Variants in FSTL5 observed in about 807,000 individuals in gnomAD.
FSTL5 encodes follistatin like 5, also known as follistatin-related protein 5.
Under a neutral mutation model 89.1 loss-of-function variants are expected in FSTL5, and 62 were observed. The observed-to-expected ratio is 0.70, with a 90% CI of 0.57 to 0.86. FSTL5 has a LOEUF of 0.86. Among genes scored for constraint, FSTL5 ranks in the 40% least tolerant of loss-of-function variants. The probability of loss-of-function intolerance (pLI) is 0.00; values close to 1 mark genes in which losing one functional copy is unlikely to be tolerated. For synonymous variants in FSTL5, 383 were observed against 346.2 expected (o/e 1.11, Z -1.18); for missense variants, 1,057 against 1,001.6 (o/e 1.06, Z -0.75).
intron 2 of FSTL5, among the ~76,000 whole-genome samples, chr4:162,077,854 T>C (rs1729931217): frequency 6.6e-6 from 1 of 151,810 alleles, no homozygotes; most frequent in African/African-American, 2.4e-5. Context: ...AGTTTCTTAA[T>C]ATATTGCAAT....
intron 2 of FSTL5, among the ~76,000 whole-genome samples, chr4:162,104,863 C>A (rs747330827): frequency 3.3e-5 from 5 of 152,050 alleles, no homozygotes; most frequent in African/African-American, 4.8e-5. Context: ...TGTTTCCCTG[C>A]CTGACTAGAG....
At chr4:161,617,513 G>A (rs879311633) in intron 7 of FSTL5, among the ~76,000 whole-genome samples, 1 of 152,106 alleles carries the variant, frequency 6.6e-6, no homozygotes, top group Non-Finnish European at 1.5e-5. Flanking sequence ...ACAGACCTAA[G>A]AAGCTGAAGA....
intron 12 of FSTL5, among the ~76,000 whole-genome samples, chr4:161,497,056 C>G (rs1045084667): frequency 6.6e-6 from 1 of 151,966 alleles, no homozygotes; most frequent in Non-Finnish European, 1.5e-5. Context: ...TCTGAATTGC[C>G]ATCTATCTTG....
intron 2 of FSTL5, among the ~76,000 whole-genome samples, chr4:162,077,818 AAATT>A (rs940690197): frequency 2.0e-5 from 3 of 151,820 alleles, no homozygotes; most frequent in African/African-American, 4.8e-5. Context: ...ACAGTGTCCT[AAATT>A]AATTAATACT....
intron 7 of FSTL5, among the ~76,000 whole-genome samples, chr4:161,639,599 C>A (rs1304463677): frequency 1.3e-5 from 2 of 152,158 alleles, no homozygotes; most frequent in African/African-American, 4.8e-5. Flanking sequence ...ATTGCACTGG[C>A]AGCCTCTGTC....
intron 8 of FSTL5, among the ~76,000 whole-genome samples, chr4:161,584,147 C>A (rs1311382841): frequency 6.6e-6 from 1 of 152,166 alleles, no homozygotes; most frequent in Non-Finnish European, 1.5e-5. Context: ...TTCAATTGCC[C>A]TCCTGCATTG....
chr4:162,083,797 C>T (rs574695280), intron 2 of FSTL5, among the ~76,000 whole-genome samples: 12 of 151,812 alleles, frequency 7.9e-5, no homozygotes, highest in South Asian at 6.2e-4. Context: ...TGAAACATTA[C>T]TGAAAACATA....
At chr4:161,437,874 T>TA (rs1182235446) in intron 15 of FSTL5, among the ~76,000 whole-genome samples, 2 of 152,102 alleles carry the variant, frequency 1.3e-5, no homozygotes, top group East Asian at 3.9e-4. Context: ...AGGATTTCCT[T>TA]AAAAGGGGTG....
At chr4:161,626,578 G>A (rs1471692112) in intron 7 of FSTL5, among the ~76,000 whole-genome samples, 4 of 152,146 alleles carry the variant, frequency 2.6e-5, no homozygotes, top group African/African-American at 9.7e-5. Flanking sequence ...TATGAATCTT[G>A]CTTTTATGAT....
At chr4:161,403,808 G>A (rs772821524) in intron 15 of FSTL5, among the ~76,000 whole-genome samples, 2 of 152,144 alleles carry the variant, frequency 1.3e-5, no homozygotes, top group Non-Finnish European at 2.9e-5. Flanking sequence ...GAACGTCAAA[G>A]GTCTATCTGG....
At chr4:162,032,342 T>G (rs1473275487) in intron 3 of FSTL5, among the ~76,000 whole-genome samples, 1 of 152,156 alleles carries the variant, frequency 6.6e-6, no homozygotes, top group Non-Finnish European at 1.5e-5. Flanking sequence ...CATCTTGAAG[T>G]AAAAATTCCC....
intron 4 of FSTL5, among the ~76,000 whole-genome samples, chr4:161,868,365 G>C (rs140088001): frequency 6.6e-6 from 1 of 151,886 alleles, no homozygotes; most frequent in Admixed American, 6.6e-5. Context: ...CCCTTTTACC[G>C]TTTCAAATCA....
At chr4:161,409,373 TA>T (rs1731507743) in intron 15 of FSTL5, among the ~76,000 whole-genome samples, 1 of 152,030 alleles carries the variant, frequency 6.6e-6, no homozygotes, top group Admixed American at 6.6e-5. Flanking sequence ...AGGGAATTAT[TA>T]TTTTATTATT....
intron 4 of FSTL5, among the ~76,000 whole-genome samples, chr4:161,786,469 T>G (rs983399360): frequency 6.6e-6 from 1 of 152,118 alleles, no homozygotes; most frequent in African/African-American, 2.4e-5. Context: ...TTAAGCACAG[T>G]CAACCTTTGA....
chr4:161,698,743 C>T (rs898408861), intron 6 of FSTL5, among the ~76,000 whole-genome samples: 1 of 152,054 alleles, frequency 6.6e-6, no homozygotes, highest in Non-Finnish European at 1.5e-5. Context: ...GCGTGGCCAA[C>T]GTGGTGAAAC....
chr4:161,498,176 T>C (rs1730156732), intron 12 of FSTL5, among the ~76,000 whole-genome samples: 1 of 152,040 alleles, frequency 6.6e-6, no homozygotes. Flanking sequence ...GAAATAAATA[T>C]ACACAATTCT....
intron 4 of FSTL5, among the ~76,000 whole-genome samples, chr4:161,890,316 C>T (rs1236369512): frequency 6.6e-6 from 1 of 152,106 alleles, no homozygotes; most frequent in African/African-American, 2.4e-5. Flanking sequence ...TAAATTAGCA[C>T]AAATTCAAAT....
rs139004998 is a variant in FSTL5 at position 161,885,187 on chromosome 4, G to A, written c.409+35217C>T. On this transcript the variant is annotated intron_variant, in intron 4 of 15. Coordinates refer to ENST00000306100, the MANE Select transcript of FSTL5 (RefSeq NM_020116.5). ...GTGTATTGTAAAATTTGCCATTTAC[G>A]TTGTCCTGTGTGCCAGAAATTTTAA... Among the ~76,000 whole-genome samples, 517 of 152,080 alleles carry A rather than the reference G, an allele frequency of 3.4e-3. 10 individuals carry two copies. In the South Asian group the frequency reaches 0.048, roughly 14 times the overall value.
intron 4 of FSTL5, among the ~76,000 whole-genome samples, chr4:161,894,330 C>A (rs980938628): frequency 2.0e-5 from 3 of 152,192 alleles, no homozygotes; most frequent in Non-Finnish European, 2.9e-5. Context: ...AATTTTAGTT[C>A]ATGCTCACAT....
Sources: gnomAD v4.1 joint callset for allele counts (sites outside exome capture counted in the v4.1 genomes callset) on GRCh38, gnomAD v4.1.1 for gene constraint, MANE v1.5 for transcripts, NCBI Gene and HGNC (gene_info 2026-07-23, HGNC 2026-07-21) for gene names.